ANAPC7: variants seen among roughly 807,000 people sequenced by gnomAD.
The protein encoded by ANAPC7 is anaphase promoting complex subunit 7, also known as anaphase-promoting complex subunit 7.
In ANAPC7, 25 loss-of-function variants were observed where a neutral mutation model predicts 63.3. That is an observed-to-expected ratio of 0.39 (90% CI 0.29 to 0.55). The LOEUF is 0.55. ANAPC7 is among the 20% of genes least tolerant of loss of function. The pLI is 0.57. For missense variants in ANAPC7, 516 were observed against 691.7 expected, an observed-to-expected ratio of 0.75 and a Z score of 2.85; for synonymous variants, 241 against 251.7, an observed-to-expected ratio of 0.96 and a Z score of 0.40.
chr12:110,382,898 C>A lies in ANAPC7; in HGVS notation c.880G>T (p.Gly294Ter). 6.2e-7 allele frequency: 1 copy of A among 1,613,996 alleles called. No homozygotes were observed. The highest frequency in any genetic ancestry group is 8.5e-7 in the Non-Finnish European group (1 of 1,179,922). Reference sequence around the variant, plus strand: ...TCAGAGATATTGAAAAGGCGGCATCCAAGGTTCTCAACATCCTCTAGCCGC... The same window carrying A: ...TCAGAGATATTGAAAAGGCGGCATCAAAGGTTCTCAACATCCTCTAGCCGC... ...EGRLEDVENL[G>*]CRLFNISDQH... is the part of the protein sequence containing the mutation. The change falls in exon 7 of 11, where the codon GGA becomes TGA. Residue 294 changes from glycine to a stop codon, truncating the protein, a stop_gained. Transcript: ENST00000455511. LOFTEE classifies it high-confidence loss of function.
intron 2 of ANAPC7, 34 bp from the exon 3 acceptor site, chr12:110,395,254 T>C (rs766950438): frequency 2.0e-5 from 32 of 1,590,526 alleles, no homozygotes; most frequent in Non-Finnish European, 2.6e-5. Context: ...TTTGAAACGT[T>C]ATTCCAACAA....
At position 110,389,631 on chromosome 12, in the gene ANAPC7, G is replaced by T. The variant is rs143048404; in HGVS notation, c.409-1008C>A. ...CCTACCTAACATGCAACTGGGAAAT[G>T]AGAAAATCTAAAAGTTCTGGCCGGG... On this transcript the variant is annotated intron_variant, in intron 3 of 10. Coordinates refer to ENST00000455511, the MANE Select transcript of ANAPC7 (RefSeq NM_016238.3). Among the ~76,000 whole-genome samples the T allele has an allele frequency of 2.0e-5, 3 of 152,272 alleles. No homozygotes were observed. The Middle Eastern group carries it at 0.01, about 518-fold the overall frequency.
At position 110,396,248 on chromosome 12, in the gene ANAPC7, A is replaced by C; in HGVS notation, c.288+18T>G. ...CTCAAAAAAAAAAAAAAAAAATCAC[A>C]ATTCTATCTCCAATTACCTGACTTT... On this transcript the variant is annotated intron_variant, in intron 2 of 10. Transcript: ENST00000455511. 1 of 1,582,564 alleles carries C rather than the reference A, an allele frequency of 6.3e-7. No individual in the cohort carries two copies. Among genetic ancestry groups the C allele is most frequent in the African/African-American group, 1.4e-5 (1 of 72,738 alleles).
At chr12:110,380,771 G>A (rs757767691) in intron 8 of ANAPC7, among the ~76,000 whole-genome samples, 4 of 151,402 alleles carry the variant, frequency 2.6e-5, no homozygotes, top group Non-Finnish European at 4.4e-5. Context: ...TGGCTAGCAC[G>A]GTGAAACACT....
chr12:110,403,357 C>T (rs1455976336), intron 1 of ANAPC7, among the ~76,000 whole-genome samples, 170 bp downstream of exon 1: 1 of 152,102 alleles, frequency 6.6e-6, no homozygotes, highest in African/African-American at 2.4e-5. Context: ...CCAGTGAACC[C>T]AACTTGCGCT....
chr12:110,395,682 G>A (rs1448702069), intron 2 of ANAPC7, among the ~76,000 whole-genome samples: 1 of 151,924 alleles, frequency 6.6e-6, no homozygotes, highest in Non-Finnish European at 1.5e-5. Context: ...GGGACTACAG[G>A]CATCCACCAC....
In ANAPC7 at chr12:110,374,210, G is replaced by A; in HGVS notation, c.1632C>T (p.Asp544=). Residue 544 remains aspartate (D), a synonymous_variant, in exon 11 of 11, where the codon GAC becomes GAT. Transcript: ENST00000455511. ...CCGCCTCACTGTCGCTGCCCTCCAG[G>A]TCCCCTTCTTCCCCACTCCCTTCCA... ...DDMEGSGEEG[D]LEGSDSEAAQ... The A allele has an allele frequency of 6.2e-7, 1 of 1,613,956 alleles. No homozygotes were observed. The highest frequency in any genetic ancestry group is 8.5e-7 in the Non-Finnish European group (1 of 1,180,014).
intron 6 of ANAPC7, among the ~76,000 whole-genome samples, chr12:110,384,432 C>CGGTG (rs1882261464): frequency 6.6e-6 from 1 of 151,556 alleles, no homozygotes; most frequent in Non-Finnish European, 1.5e-5. Flanking sequence ...AGGCCGGGCA[C>CGGTG]GGTGACTCAT....
chr12:110,388,479 C>T, intron 4 of ANAPC7, 33 bp downstream of exon 4: 2 of 1,519,618 alleles, frequency 1.3e-6, no homozygotes, highest in Non-Finnish European at 1.8e-6. Context: ...TGACAGTAAA[C>T]ATGCCATGAA....
At chr12:110,401,597 A>G (rs570844551) in intron 1 of ANAPC7, among the ~76,000 whole-genome samples, 75 of 152,252 alleles carry the variant, frequency 4.9e-4, no homozygotes, top group African/African-American at 1.8e-3. Flanking sequence ...GTGCATTCAA[A>G]TAACACAAAG....
At chr12:110,376,545 G>A in intron 9 of ANAPC7, among the ~76,000 whole-genome samples, 1 of 125,852 alleles carries the variant, frequency 7.9e-6, no homozygotes, top group African/African-American at 3.1e-5. Flanking sequence ...CTCCAGTCTG[G>A]GCAACAGAGC....
intron 8 of ANAPC7, among the ~76,000 whole-genome samples, chr12:110,381,346 GTTGTT>G (rs1367286482): frequency 1.3e-5 from 2 of 151,786 alleles, no homozygotes; most frequent in Non-Finnish European, 1.5e-5. Flanking sequence ...TGTTGTTGTT[GTTGTT>G]TTAATAGATG....
At chr12:110,390,031 C>T (rs1032841623) in intron 3 of ANAPC7, among the ~76,000 whole-genome samples, 6 of 152,164 alleles carry the variant, frequency 3.9e-5, no homozygotes, top group African/African-American at 1.2e-4. Flanking sequence ...AAAGACCTTC[C>T]TAATAGTACA....
intron 1 of ANAPC7, among the ~76,000 whole-genome samples, chr12:110,397,557 CAA>C (rs536665095): frequency 8.1e-5 from 8 of 98,382 alleles, no homozygotes; most frequent in Admixed American, 2.3e-4. Flanking sequence ...GATCTCGTCT[CAA>C]AAAAAAAAAA....
Position 110,387,428 on chromosome 12 carries a change from A to AGAGG in ANAPC7, c.674+310_674+311insCCTC, listed in dbSNP as rs1566269488. 2.6e-4 allele frequency: 33 copies of AGAGG among 126,794 alleles called. 3 individuals carry two copies. Among genetic ancestry groups the AGAGG allele is most frequent in the South Asian group, 5.6e-4 (2 of 3,570 alleles). The allele number at this position is 126,794 out of a possible 1,614,324, so 7.9% of individuals were successfully genotyped here. The stretch of plus-strand genomic sequence containing the variant: ...GAGAGAGAGAGAGAGAGAGAGAGAG[A>AGAGG]GAGACCGACCTTGTCTCAAAAAAAA... On this transcript the variant is annotated intron_variant, in intron 5 of 10. Transcript: ENST00000455511.
At chr12:110,380,307 C>T (rs1289212856) in intron 8 of ANAPC7, among the ~76,000 whole-genome samples, 5 of 151,302 alleles carry the variant, frequency 3.3e-5, no homozygotes, top group Admixed American at 3.3e-4. Flanking sequence ...GCTGAGATTG[C>T]ACCACTGCAC....
intron 1 of ANAPC7, 189 bp from the exon 2 acceptor site, chr12:110,396,641 G>A (rs2062142831): frequency 4.6e-6 from 2 of 436,022 alleles, no homozygotes; most frequent in Non-Finnish European, 4.1e-6. Flanking sequence ...CTCCCGAGTA[G>A]CTGAGATTAC....
chr12:110,403,596 G>A lies in ANAPC7; in HGVS notation c.32C>T (p.Ala11Val). 1 of 1,607,466 alleles carries A rather than the reference G, an allele frequency of 6.2e-7. No individual in the cohort carries two copies. Among genetic ancestry groups the A allele is most frequent in the Non-Finnish European group, 8.5e-7 (1 of 1,177,266 alleles). ...CACGTTGGAGTGCAGCCCCGCGGCC[G>A]CCATGTCCCGCACGTGGTCTATCAC... is the stretch of plus-strand genomic sequence containing the variant. MNVIDHVRDM[A>V]AAGLHSNVRL... The change falls in exon 1 of 11, where the codon GCG becomes GTG. Residue 11 changes from alanine to valine, a missense_variant. Physicochemically the swap from Ala to Val is moderately conservative, Grantham distance 64 (BLOSUM62 0). Transcript: ENST00000455511.
At chr12:110,388,000 T>C (rs1268849450) in intron 4 of ANAPC7, 108 bp from the exon 5 acceptor site, 2 of 1,181,756 alleles carry the variant, frequency 1.7e-6, no homozygotes, top group Non-Finnish European at 2.4e-6. Context: ...ACTGCTTCCC[T>C]ATTCTGAGCG....
Sources: gnomAD v4.1 joint callset for allele counts (sites outside exome capture counted in the v4.1 genomes callset) on GRCh38, gnomAD v4.1.1 for gene constraint, MANE v1.5 for transcripts, NCBI Gene and HGNC (gene_info 2026-07-23, HGNC 2026-07-21) for gene names.